Variants in MTG1 observed in about 807,000 individuals in gnomAD.
MTG1 encodes mitochondrial ribosome-associated GTPase 1.
Under a neutral mutation model 39.5 loss-of-function variants are expected in MTG1, and 30 were observed. The observed-to-expected ratio is 0.76, with a 90% CI of 0.57 to 1.03. The LOEUF is 1.03. MTG1 is among the 50% of genes least tolerant of loss of function. The pLI is 0.00. For missense variants in MTG1, 513 were observed against 447.4 expected (o/e 1.15, Z -1.32); for synonymous variants, 217 against 179.0 (o/e 1.21, Z -1.69).
Position 133,421,566 on chromosome 10 carries a change from G to A in MTG1, c.*1401G>A, listed in dbSNP as rs1350583424. ...GGCCTGCTGGTCTTGGAGGCGTTGAGCTTGGTCTGGAAGGGGTGGAGGAGC... is the reference window on the plus strand; with the variant it reads ...GGCCTGCTGGTCTTGGAGGCGTTGAACTTGGTCTGGAAGGGGTGGAGGAGC... On this transcript the variant is annotated 3_prime_UTR_variant, in exon 11 of 11. Coordinates refer to ENST00000317502, the MANE Select transcript of MTG1 (RefSeq NM_138384.4). 6.5e-6 allele frequency: 1 copy of A among 153,438 alleles called. No individual in the cohort carries two copies. Among genetic ancestry groups the A allele is most frequent in the Non-Finnish European group, 1.5e-5 (1 of 68,676 alleles). 9.5% of individuals were successfully genotyped at this position (153,438 alleles called of 1,614,324 possible).
intron 6 of MTG1, among the ~76,000 whole-genome samples, chr10:133,400,557 G>T (rs1849860185): frequency 2.0e-5 from 3 of 152,216 alleles, no homozygotes; most frequent in Non-Finnish European, 4.4e-5. Context: ...TTAAACTACG[G>T]TGAACTGTTA....
At chr10:133,418,391 G>A (rs1850167765) in intron 9 of MTG1, among the ~76,000 whole-genome samples, 1 of 151,710 alleles carries the variant, frequency 6.6e-6, no homozygotes. Flanking sequence ...TTGTGGGACA[G>A]TTAGATTATT....
chr10:133,395,568 C>A, intron 1 of MTG1, 145 bp from the exon 2 acceptor site: 2 of 754,802 alleles, frequency 2.6e-6, no homozygotes, highest in South Asian at 1.7e-5. Flanking sequence ...CGGATGTTAT[C>A]TGTTACCATT....
At chr10:133,396,418 C>G in intron 3 of MTG1, 151 bp downstream of exon 3, 1 of 682,788 alleles carries the variant, frequency 1.5e-6, no homozygotes. Flanking sequence ...AGAAGCGTGC[C>G]AGCATCGTTT....
chr10:133,405,055 C>T (rs930523994), intron 9 of MTG1, among the ~76,000 whole-genome samples: 1 of 151,992 alleles, frequency 6.6e-6, no homozygotes, highest in African/African-American at 2.4e-5. Context: ...TACAAAAATC[C>T]CTATGTTTCT....
rs966145699 is a variant in MTG1, at chr10:133,420,114, G to C, written c.954G>C (p.Met318Ile). 1 of 1,613,266 alleles carries C rather than the reference G, an allele frequency of 6.2e-7. No individual in the cohort carries two copies. The highest frequency in any genetic ancestry group is 1.3e-5 in the African/African-American group (1 of 74,928). The stretch of plus-strand genomic sequence containing the variant: ...GCCGTGGGCTGCTGGGTTCCGTGAT[G>C]CTGGACCTCGACGTCCTGCGGGGCC... Reference protein sequence around the residue: ...TFRRGLLGSVMLDLDVLRGHP... With the variant: ...TFRRGLLGSVILDLDVLRGHP... The change falls in exon 11 of 11, where the codon ATG becomes ATC. Residue 318 changes from methionine to isoleucine, a missense_variant. Coordinates refer to ENST00000317502, the MANE Select transcript of MTG1 (RefSeq NM_138384.4).
chr10:133,406,582 A>T (rs1327652430), intron 9 of MTG1, among the ~76,000 whole-genome samples: 6 of 151,918 alleles, frequency 3.9e-5, no homozygotes, highest in Non-Finnish European at 7.4e-5. Context: ...ATACAAAAAA[A>T]ATCTGGCCCA....
chr10:133,404,382 C>T (rs1849937926), intron 9 of MTG1, among the ~76,000 whole-genome samples: 1 of 152,080 alleles, frequency 6.6e-6, no homozygotes, highest in South Asian at 2.1e-4. Context: ...CCGCCTCAGC[C>T]TCCCAAAGCA....
At chr10:133,412,950 G>A (rs1329037050) in intron 9 of MTG1, among the ~76,000 whole-genome samples, 1 of 152,056 alleles carries the variant, frequency 6.6e-6, no homozygotes, top group Admixed American at 6.5e-5. Context: ...AGTCAGTTTT[G>A]GCTTCGTGTA....
chr10:133,413,538 G>A (rs1260393908), intron 9 of MTG1, among the ~76,000 whole-genome samples: 4 of 152,176 alleles, frequency 2.6e-5, no homozygotes, highest in Admixed American at 6.5e-5. Context: ...GTGAGCCACC[G>A]TGCCCGGCCC....
Position 133,420,370 on chromosome 10 carries a change from G to A in MTG1, c.*205G>A, listed in dbSNP as rs1416095013. 5.5e-6 allele frequency: 3 copies of A among 543,202 alleles called. No individual in the cohort carries two copies. The highest frequency in any genetic ancestry group is 9.3e-6 in the Non-Finnish European group (3 of 321,248). 33.6% of individuals were successfully genotyped at this position (543,202 alleles called of 1,614,324 possible). A position where few individuals can be genotyped will look rare whatever the true frequency, so the allele number is the denominator to read the frequency against. ...GTGGGAGTGGACACCAGGCTTCCCA[G>A]TGGACGTCCCTGAGCAGCTCCGCAT... On this transcript the variant is annotated 3_prime_UTR_variant, in exon 11 of 11. Coordinates refer to ENST00000317502, the MANE Select transcript of MTG1 (RefSeq NM_138384.4).
chr10:133,407,571 C>CT (rs1159757820), intron 9 of MTG1, among the ~76,000 whole-genome samples: 8,795 of 140,102 alleles, frequency 0.063, 665 homozygotes, highest in African/African-American at 0.18. Flanking sequence ...TTCTTGATTT[C>CT]TTTTTTTTTT....
chr10:133,401,797 C>T (rs758859529), intron 7 of MTG1: 14 of 702,400 alleles, frequency 2.0e-5, no homozygotes, highest in South Asian at 9.1e-5. Context: ...GGGGAAGGCA[C>T]GCTGTTTTCC....
intron 1 of MTG1, 128 bp from the exon 2 acceptor site, chr10:133,395,585 T>C: frequency 3.5e-6 from 3 of 854,510 alleles, no homozygotes; most frequent in Non-Finnish European, 5.7e-6. Flanking sequence ...CATTACTTAG[T>C]ACGCTTCCCT....
At chr10:133,415,552 G>A (rs1201908036) in intron 9 of MTG1, among the ~76,000 whole-genome samples, 5 of 152,194 alleles carry the variant, frequency 3.3e-5, no homozygotes, top group Non-Finnish European at 5.9e-5. Flanking sequence ...TGCTTGAGAG[G>A]GGTTGGTCTC....
intron 9 of MTG1, among the ~76,000 whole-genome samples, chr10:133,406,743 G>A (rs978859666): frequency 7.1e-6 from 1 of 141,730 alleles, no homozygotes; most frequent in East Asian, 2.1e-4. Context: ...TCGGCTCGCT[G>A]CAACCCCTGC....
Position 133,399,175 on chromosome 10 carries a change from C to T in MTG1, c.369C>T (p.Ile123=), listed in dbSNP as rs1295889977. 8 of 1,614,026 alleles carry T rather than the reference C, an allele frequency of 5.0e-6. No individual in the cohort carries two copies. The highest frequency in any genetic ancestry group is 1.7e-5 in the Admixed American group (1 of 59,998). ...TGAGTGGGTGTTTGTTGCAGATCAT[C>T]CCGATGGTCACTGAACTGATTGGGA... ...CVKDENVKQI[I]PMVTELIGRS... The change falls in exon 5 of 11, where the codon ATC becomes ATT. Residue 123 remains isoleucine, a synonymous_variant. Coordinates refer to ENST00000317502, the MANE Select transcript of MTG1 (RefSeq NM_138384.4).
In MTG1 at chr10:133,422,118, C is replaced by T. The variant is rs921546901; in HGVS notation, c.*1953C>T. On this transcript the variant is annotated 3_prime_UTR_variant, in exon 11 of 11. Coordinates refer to ENST00000317502, the MANE Select transcript of MTG1 (RefSeq NM_138384.4). Reference sequence around the variant, plus strand: ...AGCGCCACTCCATGTCTCTCCTGTCCTTGGATGTTGGGGGGCTCAGCCTCT... The same window carrying T: ...AGCGCCACTCCATGTCTCTCCTGTCTTTGGATGTTGGGGGGCTCAGCCTCT... 4 of 152,912 alleles carry T rather than the reference C, an allele frequency of 2.6e-5. No individual in the cohort carries two copies. Among genetic ancestry groups the T allele is most frequent in the Non-Finnish European group, 4.4e-5 (3 of 68,372 alleles). The allele number at this position is 152,912 out of a possible 1,614,324, so 9.5% of individuals were successfully genotyped here.
chr10:133,409,857 C>T (rs1046136640), intron 9 of MTG1, among the ~76,000 whole-genome samples: 4 of 145,678 alleles, frequency 2.7e-5, no homozygotes, highest in Admixed American at 6.8e-5. Context: ...CAGTCTTTGA[C>T]TTTTAGTCTG....
Sources: gnomAD v4.1 joint callset for allele counts (sites outside exome capture counted in the v4.1 genomes callset) on GRCh38, gnomAD v4.1.1 for gene constraint, MANE v1.5 for transcripts, NCBI Gene and HGNC (gene_info 2026-07-23, HGNC 2026-07-21) for gene names.